PRR16: variants seen among roughly 807,000 people sequenced by gnomAD.
The protein encoded by PRR16 is protein Largen.
PRR16 carries 6 observed loss-of-function variants against 18.2 expected under a neutral mutation model. The ratio of observed to expected loss-of-function variants is 0.33; its 90% CI spans 0.18 to 0.65. PRR16 has a LOEUF of 0.65. Ranked by LOEUF, PRR16 falls within the 30% of genes least tolerant of loss-of-function variation. The pLI is 0.74. For missense variants in PRR16, 412 were observed against 376.6 expected (o/e 1.09, Z -0.78); for synonymous variants, 151 against 147.8 (o/e 1.02, Z -0.16).
the PRR16 span, among the ~76,000 whole-genome samples, chr5:120,729,869 G>C: frequency 6.6e-6 from 1 of 152,040 alleles, no homozygotes; most frequent in Non-Finnish European, 1.5e-5. Flanking sequence ...GGAGGGCTTT[G>C]CATGCCATAT....
chr5:120,497,320 G>GTT (rs55879751), intron 1 of PRR16, among the ~76,000 whole-genome samples: 123 of 133,276 alleles, frequency 9.2e-4, no homozygotes, highest in African/African-American at 2.9e-3. Context: ...CTATAATTGT[G>GTT]TTTTTTTTTT....
intron 1 of PRR16, among the ~76,000 whole-genome samples, chr5:120,544,442 G>T (rs1447383010): frequency 6.6e-6 from 1 of 151,958 alleles, no homozygotes; most frequent in Non-Finnish European, 1.5e-5. Context: ...AAACATTTTT[G>T]CTCATTCCAA....
At chr5:120,688,486 T>C (rs1030931933), downstream of PRR16, among the ~76,000 whole-genome samples, 6 of 152,196 alleles carry the variant, frequency 3.9e-5, no homozygotes, top group Admixed American at 2.0e-4. Flanking sequence ...TATAGACTTA[T>C]TAAATACCAA....
chr5:120,724,518 C>T, the PRR16 span, among the ~76,000 whole-genome samples: 1 of 152,064 alleles, frequency 6.6e-6, no homozygotes, highest in African/African-American at 2.4e-5. Context: ...ATATTAGCTA[C>T]TGATTTTACA....
At chr5:120,488,132 G>A (rs185842491) in intron 1 of PRR16, among the ~76,000 whole-genome samples, 232 of 152,184 alleles carry the variant, frequency 1.5e-3, no homozygotes, top group African/African-American at 5.2e-3. Context: ...GTCTCTGCCC[G>A]GCTTTGGTAT....
chr5:120,519,001 A>G (rs1032830515), intron 1 of PRR16, among the ~76,000 whole-genome samples: 2 of 152,132 alleles, frequency 1.3e-5, no homozygotes, highest in African/African-American at 4.8e-5. Context: ...CCTATGTCTT[A>G]ACTAATACAA....
Position 120,490,395 on chromosome 5 carries a change from A to G in PRR16, c.159+25750A>G, listed in dbSNP as rs138359407. 3.8e-3 allele frequency among the ~76,000 whole-genome samples: 571 copies of G among 151,952 alleles called. 4 individuals carry two copies. Among genetic ancestry groups the G allele is most frequent in the African/African-American group, 0.013 (551 of 41,386 alleles). On this transcript the variant is annotated intron_variant, in intron 1 of 1. Coordinates refer to ENST00000407149, the MANE Select transcript of PRR16 (RefSeq NM_001300783.2). ...TAAAGTTCTCTTCTCGCTTCATTTCATTCTTTTCGTCTTCCATCGCTGATA... is the reference window on the plus strand; with the variant it reads ...TAAAGTTCTCTTCTCGCTTCATTTCGTTCTTTTCGTCTTCCATCGCTGATA...
At chr5:120,473,590 G>A (rs1293893612) in intron 1 of PRR16, among the ~76,000 whole-genome samples, 1 of 152,162 alleles carries the variant, frequency 6.6e-6, no homozygotes, top group Non-Finnish European at 1.5e-5. Flanking sequence ...AGCATTGTAT[G>A]TGTGTCTGTC....
At chr5:120,540,348 A>C (rs1751870331) in intron 1 of PRR16, among the ~76,000 whole-genome samples, 1 of 152,104 alleles carries the variant, frequency 6.6e-6, no homozygotes, top group South Asian at 2.1e-4. Context: ...CCTCCTTAAC[A>C]TGATTTTCGG....
chr5:120,671,338 A>T (rs1295504790), intron 1 of PRR16, among the ~76,000 whole-genome samples: 1 of 152,108 alleles, frequency 6.6e-6, no homozygotes, highest in Non-Finnish European at 1.5e-5. Flanking sequence ...TAGAAAAAAG[A>T]CTCAGTTTTA....
rs1355494646 is a variant in PRR16 at position 120,523,409 on chromosome 5, G to GTAC, written c.159+58766_159+58768dup. On this transcript the variant is annotated intron_variant, in intron 1 of 1. Coordinates refer to ENST00000407149, the MANE Select transcript of PRR16 (RefSeq NM_001300783.2). ...TTATTATTTTTTACTAATGAGGCAA[G>GTAC]TACTGTCTTGAGTTGCAGATATGAA... Among the ~76,000 whole-genome samples the GTAC allele has an allele frequency of 3.3e-5, 5 of 152,254 alleles. No homozygotes were observed. The East Asian group carries it at 9.6e-4, about 29-fold the overall frequency.
the PRR16 span, among the ~76,000 whole-genome samples, chr5:120,703,305 AGT>A: frequency 6.6e-6 from 1 of 152,168 alleles, no homozygotes; most frequent in East Asian, 1.9e-4. Flanking sequence ...GGTGGGGCAA[AGT>A]GTATTCACTT....
At chr5:120,552,027 C>T (rs1752269525) in intron 1 of PRR16, among the ~76,000 whole-genome samples, 1 of 151,966 alleles carries the variant, frequency 6.6e-6, no homozygotes, top group Non-Finnish European at 1.5e-5. Flanking sequence ...GAGTGTTAGA[C>T]ATCCTCTCAG....
chr5:120,580,292 C>G (rs1369149490), intron 1 of PRR16, among the ~76,000 whole-genome samples: 1 of 152,012 alleles, frequency 6.6e-6, no homozygotes, highest in African/African-American at 2.4e-5. Flanking sequence ...TGAGAGAGGG[C>G]ATTCTTGTCT....
chr5:120,759,266 A>G, the PRR16 span, among the ~76,000 whole-genome samples: 149,332 of 152,108 alleles, frequency 0.98, 73,363 homozygotes, highest in East Asian at 1. Flanking sequence ...GTGAGCCACC[A>G]CACCCAGCCT....
Position 120,667,658 on chromosome 5 carries a change from T to G in PRR16, c.160-18296T>G, listed in dbSNP as rs996938355. Among the ~76,000 whole-genome samples the G allele has an allele frequency of 6.0e-3, 917 of 151,918 alleles. 17 individuals are homozygous for G. Among genetic ancestry groups the G allele is most frequent in the African/African-American group, 0.021 (853 of 41,472 alleles). ...CCAGAGATTCTGGTATGTTGTGTCTTTGTTCTCGTTGGTTTCAAAGAACAT... is the reference window on the plus strand; with the variant it reads ...CCAGAGATTCTGGTATGTTGTGTCTGTGTTCTCGTTGGTTTCAAAGAACAT... On this transcript the variant is annotated intron_variant, in intron 1 of 1. Coordinates refer to ENST00000407149, the MANE Select transcript of PRR16 (RefSeq NM_001300783.2).
chr5:120,738,156 A>T, the PRR16 span, among the ~76,000 whole-genome samples: 1 of 152,146 alleles, frequency 6.6e-6, no homozygotes, highest in Non-Finnish European at 1.5e-5. Context: ...ATAGGAAATA[A>T]TATATTTAAT....
At chr5:120,646,136 TG>T (rs1755594789) in intron 1 of PRR16, among the ~76,000 whole-genome samples, 1 of 148,534 alleles carries the variant, frequency 6.7e-6, no homozygotes, top group South Asian at 2.1e-4. Flanking sequence ...AAAAGTGGCA[TG>T]GGGTTTACAG....
chr5:120,708,286 C>CG, the PRR16 span, among the ~76,000 whole-genome samples: 12 of 152,072 alleles, frequency 7.9e-5, 1 homozygote, highest in South Asian at 1.0e-3. Flanking sequence ...ACATGAAAGA[C>CG]AAAAAGTTCC....
Sources: gnomAD v4.1 joint callset for allele counts (sites outside exome capture counted in the v4.1 genomes callset) on GRCh38, gnomAD v4.1.1 for gene constraint, MANE v1.5 for transcripts, NCBI Gene and HGNC (gene_info 2026-07-23, HGNC 2026-07-21) for gene names.